The following G3BP2 variants were observed in gnomAD, a reference collection of about 807,000 sequenced individuals.
G3BP2 encodes the protein ras GTPase-activating protein-binding protein 2.
In G3BP2, 11 loss-of-function variants were observed where a neutral mutation model predicts 56.7. The observed-to-expected ratio is 0.19, with a 90% CI of 0.12 to 0.32. The LOEUF (loss-of-function observed/expected upper bound fraction) is 0.32. Among genes scored for constraint, G3BP2 ranks in the 10% least tolerant of loss-of-function variants. G3BP2 has a pLI of 1.00. For missense variants in G3BP2, 340 were observed against 610.9 expected, an observed-to-expected ratio of 0.56 and a Z score of 4.67; for synonymous variants, 165 against 191.6, an observed-to-expected ratio of 0.86 and a Z score of 1.15.
chr4:75,695,419 A>G (rs908931364), intron 3 of G3BP2, among the ~76,000 whole-genome samples: 1 of 152,208 alleles, frequency 6.6e-6, no homozygotes, highest in Non-Finnish European at 1.5e-5. Flanking sequence ...GAGGGTCAAG[A>G]CAGAAGCTGG....
intron 3 of G3BP2, among the ~76,000 whole-genome samples, chr4:75,681,295 G>A (rs749135220): frequency 2.0e-5 from 3 of 151,772 alleles, no homozygotes; most frequent in Non-Finnish European, 2.9e-5. Context: ...CTGCACTCCA[G>A]CCTGGGCGAA....
chr4:75,720,752 C>T (rs368200477), intron 3 of G3BP2, among the ~76,000 whole-genome samples: 10 of 150,126 alleles, frequency 6.7e-5, no homozygotes, highest in East Asian at 3.9e-4. Context: ...GCCGAGATCG[C>T]GCCACTACAC....
At chr4:75,656,807 T>C in intron 5 of G3BP2, 117 bp downstream of exon 5, 1 of 654,566 alleles carries the variant, frequency 1.5e-6, no homozygotes, top group Non-Finnish European at 2.7e-6. Flanking sequence ...GAAAAAAGGA[T>C]GTTTGACACA....
At chr4:75,661,704 T>C (rs17281874) in intron 2 of G3BP2, 100,493 of 443,406 alleles carry the variant, frequency 0.23, 12,684 homozygotes, top group Middle Eastern at 0.32. Context: ...TGTGCATATA[T>C]AGATATGAAT....
intron 3 of G3BP2, among the ~76,000 whole-genome samples, chr4:75,707,541 C>T (rs1353913435): frequency 7.1e-6 from 1 of 140,994 alleles, no homozygotes; most frequent in Non-Finnish European, 1.5e-5. Flanking sequence ...ACCTGGGAGG[C>T]GGAGGTTGCA....
intron 3 of G3BP2, among the ~76,000 whole-genome samples, chr4:75,715,563 C>T (rs1719898879): frequency 6.6e-6 from 1 of 152,164 alleles, no homozygotes; most frequent in African/African-American, 2.4e-5. Flanking sequence ...ACAAGAAGGA[C>T]CATCCTTCCC....
intron 1 of G3BP2, among the ~76,000 whole-genome samples, chr4:75,663,633 G>A (rs926701202): frequency 4.6e-5 from 7 of 151,862 alleles, no homozygotes; most frequent in East Asian, 2.0e-4. Flanking sequence ...GAGGCAAGGC[G>A]GGTGGATCAC....
intron 2 of G3BP2, chr4:75,661,635 G>GT (rs1732570198): frequency 5.0e-6 from 1 of 201,190 alleles, no homozygotes; most frequent in African/African-American, 2.4e-5. Context: ...TCCACCCTGA[G>GT]TGACAGAGGA....
intron 3 of G3BP2, among the ~76,000 whole-genome samples, chr4:75,720,187 CT>C (rs1433492803): frequency 2.0e-5 from 3 of 151,964 alleles, no homozygotes; most frequent in African/African-American, 7.2e-5. Context: ...TTCTTGGACT[CT>C]CCTCTCCCAA....
rs1483389215 is a variant in G3BP2, at chr4:75,722,581, TG to T, written c.-165-338del. On this transcript the variant is annotated intron_variant, in intron 1 of 3. Coordinates refer to the G3BP2 transcript ENST00000499709. Reference sequence around the variant, plus strand: ...GAGGGGTGAGGCTTAGGGGCTTAAGTGAAGTTCTTTGCATGCATTTCTTAGT... The same window carrying T: ...GAGGGGTGAGGCTTAGGGGCTTAAGTAAGTTCTTTGCATGCATTTCTTAGT... 5.3e-5 allele frequency among the ~76,000 whole-genome samples: 8 copies of T among 152,248 alleles called. No homozygotes were observed. In the East Asian group the frequency reaches 1.5e-3, roughly 29 times the overall value.
At chr4:75,654,388 T>C (rs907684608) in intron 7 of G3BP2, among the ~76,000 whole-genome samples, 1 of 152,208 alleles carries the variant, frequency 6.6e-6, no homozygotes, top group East Asian at 1.9e-4. Context: ...AACCTGAACC[T>C]AATAGAAACA....
intron 3 of G3BP2, among the ~76,000 whole-genome samples, chr4:75,680,565 C>G (rs926862072): frequency 1.3e-5 from 2 of 152,178 alleles, no homozygotes; most frequent in African/African-American, 4.8e-5. Flanking sequence ...CAGGGGACCC[C>G]AACACAGTGC....
intron 3 of G3BP2, among the ~76,000 whole-genome samples, chr4:75,708,521 A>T (rs961872345): frequency 2.0e-5 from 3 of 152,268 alleles, no homozygotes; most frequent in East Asian, 3.8e-4. Flanking sequence ...CAACTGGTCC[A>T]CAGCCTTAAA....
chr4:75,657,035 TC>T, intron 4 of G3BP2, 21 bp from the exon 5 acceptor site: 1 of 964,258 alleles, frequency 1.0e-6, no homozygotes. Context: ...CAACATTTAT[TC>T]CATAAATATC....
At chr4:75,674,103 A>C (rs1733734441), upstream of G3BP2, 1 of 152,228 alleles carries the variant, frequency 6.6e-6, no homozygotes. Flanking sequence ...GTCCTGTTCT[A>C]GCTCTAAGCC....
chr4:75,680,423 T>C (rs1734027668), intron 3 of G3BP2, among the ~76,000 whole-genome samples: 1 of 152,216 alleles, frequency 6.6e-6, no homozygotes, highest in Non-Finnish European at 1.5e-5. Flanking sequence ...CCTCTGACCT[T>C]GACTTTCCTC....
At chr4:75,687,588 G>A (rs1718665006) in intron 3 of G3BP2, among the ~76,000 whole-genome samples, 1 of 152,202 alleles carries the variant, frequency 6.6e-6, no homozygotes. Flanking sequence ...ACTGACGAAT[G>A]ATTTGTAACT....
chr4:75,679,717 A>G (rs1159976113), intron 3 of G3BP2, among the ~76,000 whole-genome samples: 2 of 152,198 alleles, frequency 1.3e-5, no homozygotes, highest in East Asian at 1.9e-4. Flanking sequence ...TAGTCTCATA[A>G]AAAAATCAAC....
intron 3 of G3BP2, among the ~76,000 whole-genome samples, chr4:75,697,794 C>T (rs6834747): frequency 0.32 from 48,445 of 151,850 alleles, 8,593 homozygotes; most frequent in African/African-American, 0.48. Flanking sequence ...ATTAGCTAGG[C>T]GCGGTGGCAC....
Sources: allele counts gnomAD v4.1 joint callset (sites outside exome capture counted in the v4.1 genomes callset), GRCh38; gene constraint gnomAD v4.1.1; transcripts MANE v1.5; gene names NCBI Gene and HGNC (gene_info 2026-07-23, HGNC 2026-07-21).